Variants in ABTB2 observed in about 807,000 individuals in gnomAD.
ABTB2 encodes the protein ankyrin repeat and BTB/POZ domain-containing protein 2.
Under a neutral mutation model 104.1 loss-of-function variants are expected in ABTB2, and 56 were observed. That is an observed-to-expected ratio of 0.54 (90% CI 0.43 to 0.67). The LOEUF (loss-of-function observed/expected upper bound fraction) is 0.67. Ranked by LOEUF, ABTB2 falls within the 30% of genes least tolerant of loss-of-function variation. The pLI is 0.00. For synonymous variants in ABTB2, 606 were observed against 608.2 expected (o/e 1.00, Z 0.05); for missense variants, 1,279 against 1,407.7 (o/e 0.91, Z 1.46).
chr11:34,228,530 G>A (rs7926927), intron 1 of ABTB2, among the ~76,000 whole-genome samples: 91,765 of 151,328 alleles, frequency 0.61, 28,054 homozygotes, highest in Non-Finnish European at 0.65. Flanking sequence ...AATTACAGGC[G>A]CCCGCCACCA....
At chr11:34,309,111 C>G (rs916781852) in intron 1 of ABTB2, among the ~76,000 whole-genome samples, 2 of 152,190 alleles carry the variant, frequency 1.3e-5, no homozygotes, top group Non-Finnish European at 2.9e-5. Flanking sequence ...CAGGCAGCCT[C>G]TACTTATACA....
intron 1 of ABTB2, among the ~76,000 whole-genome samples, chr11:34,336,594 G>A (rs1475468373): frequency 1.3e-5 from 2 of 152,070 alleles, no homozygotes; most frequent in African/African-American, 4.8e-5. Context: ...CATGAGCCAT[G>A]ATCGTACCAC....
intron 1 of ABTB2, among the ~76,000 whole-genome samples, chr11:34,294,650 C>T (rs914513336): frequency 3.3e-5 from 5 of 151,864 alleles, no homozygotes; most frequent in Non-Finnish European, 7.4e-5. Context: ...TAAAGCAGGA[C>T]GATCCCTTGA....
chr11:34,183,813 A>G (rs1366050235), intron 3 of ABTB2, among the ~76,000 whole-genome samples: 4 of 152,208 alleles, frequency 2.6e-5, no homozygotes, highest in African/African-American at 9.7e-5. Context: ...AACACAAGGC[A>G]TGTTTCTCAC....
intron 1 of ABTB2, among the ~76,000 whole-genome samples, chr11:34,215,146 G>A (rs578222895): frequency 6.6e-6 from 1 of 152,348 alleles, no homozygotes; most frequent in East Asian, 1.9e-4. Context: ...TACAGCTACA[G>A]TGGCCGAATC....
intron 1 of ABTB2, among the ~76,000 whole-genome samples, chr11:34,282,008 A>G (rs541407602): frequency 2.0e-4 from 31 of 152,352 alleles, no homozygotes; most frequent in Non-Finnish European, 3.5e-4. Context: ...CTAGCAAAAT[A>G]CCATAATGTA....
At chr11:34,213,287 G>A (rs996044185) in intron 1 of ABTB2, among the ~76,000 whole-genome samples, 11 of 152,228 alleles carry the variant, frequency 7.2e-5, no homozygotes, top group African/African-American at 2.4e-4. Context: ...AGACCAGCCT[G>A]GCTAACATGG....
intron 2 of ABTB2, among the ~76,000 whole-genome samples, 197 bp downstream of exon 2, chr11:34,204,347 G>A (rs1853379485): frequency 1.3e-5 from 2 of 152,178 alleles, no homozygotes. Context: ...GTTTTTTCAA[G>A]AGAAACCAGA....
intron 1 of ABTB2, among the ~76,000 whole-genome samples, chr11:34,305,141 A>G (rs1854755402): frequency 6.6e-6 from 1 of 152,224 alleles, no homozygotes; most frequent in African/African-American, 2.4e-5. Context: ...TGAAGACCCC[A>G]CATAAGTACA....
intron 1 of ABTB2, among the ~76,000 whole-genome samples, chr11:34,342,976 C>A (rs1855281393): frequency 6.6e-6 from 1 of 151,148 alleles, no homozygotes; most frequent in African/African-American, 2.4e-5. Context: ...TTCATTCATT[C>A]ATTCATTTTT....
In ABTB2 at chr11:34,258,595, A is replaced by C. The variant is rs541145168; in HGVS notation, c.884-53905T>G. 2.0e-5 allele frequency among the ~76,000 whole-genome samples: 3 copies of C among 148,912 alleles called. No homozygotes were observed. In the South Asian group the frequency reaches 6.4e-4, roughly 32 times the overall value. The stretch of plus-strand genomic sequence containing the variant: ...AACTGTGCCTAGTGAGCACTACAGA[A>C]GTGCCTGCTCTTTTTTTTTTTTTTT... On this transcript the variant is annotated intron_variant, in intron 1 of 16. Coordinates refer to ENST00000435224, the MANE Select transcript of ABTB2 (RefSeq NM_145804.3).
intron 7 of ABTB2, among the ~76,000 whole-genome samples, chr11:34,166,579 G>A (rs1852803576): frequency 6.6e-6 from 1 of 152,264 alleles, no homozygotes; most frequent in Non-Finnish European, 1.5e-5. Context: ...TTGCAACCTA[G>A]TGGGGAGCGA....
chr11:34,179,858 T>C (rs1853003892), intron 3 of ABTB2, among the ~76,000 whole-genome samples: 2 of 152,296 alleles, frequency 1.3e-5, no homozygotes, highest in African/African-American at 4.8e-5. Context: ...AGTTCAGCTA[T>C]GTGGGTCTAT....
At chr11:34,164,107 A>ATCCAGCCCCGCTTT (rs56081951) in intron 9 of ABTB2, among the ~76,000 whole-genome samples, 113,399 of 150,764 alleles carry the variant, frequency 0.75, 45,197 homozygotes, top group East Asian at 0.99. Flanking sequence ...AGCCCTGCTT[A>ATCCAGCCCCGCTTT]TCCAGCCCCG....
Position 34,210,416 on chromosome 11 carries a change from G to A in ABTB2, c.884-5726C>T, listed in dbSNP as rs79120416. ...TTCCTATGGTTTAATTTCCTCCAGA[G>A]CTATAACACCACCACTTTCCCCCAT... On this transcript the variant is annotated intron_variant, in intron 1 of 16. Transcript: ENST00000435224. 0.03 allele frequency among the ~76,000 whole-genome samples: 4,596 copies of A among 152,202 alleles called. 378 individuals carry two copies. The East Asian group carries it at 0.33, about 11-fold the overall frequency.
At chr11:34,187,878 G>T (rs1158455425) in intron 3 of ABTB2, among the ~76,000 whole-genome samples, 1 of 152,170 alleles carries the variant, frequency 6.6e-6, no homozygotes, top group Non-Finnish European at 1.5e-5. Context: ...GGATGAGAAG[G>T]AGAGAAGACA....
chr11:34,175,913 T>C (rs1852954928), intron 3 of ABTB2, among the ~76,000 whole-genome samples: 1 of 152,190 alleles, frequency 6.6e-6, no homozygotes, highest in Non-Finnish European at 1.5e-5. Context: ...GTCTAGATCC[T>C]ATTTATCCTT....
At chr11:34,200,716 C>T (rs2133038500) in intron 2 of ABTB2, among the ~76,000 whole-genome samples, 1 of 152,308 alleles carries the variant, frequency 6.6e-6, no homozygotes, top group East Asian at 1.9e-4. Flanking sequence ...TTCTACTCTA[C>T]AGACAAGGAA....
Position 34,356,530 on chromosome 11 carries a change from T to C in ABTB2, c.883+171A>G, listed in dbSNP as rs1174070333. On this transcript the variant is annotated intron_variant, in intron 1 of 16. Transcript: ENST00000435224. The surrounding 1 kb of genome is among the most constrained non-coding windows in gnomAD (Gnocchi z 4.6). The stretch of plus-strand genomic sequence containing the variant: ...TTACCCTCCAAAAGTCAGACACCCT[T>C]AGAACAATCTCTGGCAAGTGCCATG... Among the ~76,000 whole-genome samples the C allele has an allele frequency of 1.3e-5, 2 of 152,178 alleles. No individual in the cohort carries two copies. The highest frequency in any genetic ancestry group is 4.8e-5 in the African/African-American group (2 of 41,446).
Sources: gnomAD v4.1 joint callset for allele counts (sites outside exome capture counted in the v4.1 genomes callset) on GRCh38, gnomAD v4.1.1 for gene constraint, Gnocchi (gnomAD v3.1) non-coding constraint, MANE v1.5 for transcripts, NCBI Gene and HGNC (gene_info 2026-07-23, HGNC 2026-07-21) for gene names.